The following LYRM4 variants were observed in gnomAD, a reference collection of about 807,000 sequenced individuals.
LYRM4 encodes the protein LYR motif containing 4.
In LYRM4, 9 loss-of-function variants were observed where a neutral mutation model predicts 11.7. The ratio of observed to expected loss-of-function variants is 0.77; its 90% confidence interval spans 0.46 to 1.34. The LOEUF (loss-of-function observed/expected upper bound fraction) is 1.34, where lower values mean the gene tolerates loss of function less well. Among genes scored for constraint, LYRM4 ranks in the 40% most tolerant of loss-of-function variants. The pLI is 0.00. For missense variants in LYRM4, 133 were observed against 112.5 expected, an observed-to-expected ratio of 1.18 and a Z score of -0.82; for synonymous variants, 42 against 40.4, an observed-to-expected ratio of 1.04 and a Z score of -0.15.
intron 2 of LYRM4, among the ~76,000 whole-genome samples, chr6:5,200,524 C>T (rs1057076745): frequency 2.6e-5 from 4 of 152,082 alleles, no homozygotes; most frequent in East Asian, 1.9e-4. Context: ...GTCTGAAAGT[C>T]GGTAAAAGTG....
At chr6:5,260,593 C>G (rs1393355450) in intron 1 of LYRM4, 55 bp downstream of exon 1, 1 of 1,199,134 alleles carries the variant, frequency 8.3e-7, no homozygotes, top group African/African-American at 1.6e-5. Context: ...AGCCCGCACC[C>G]CCGGTCCCCG....
At chr6:5,095,386 A>C in the LYRM4 span, among the ~76,000 whole-genome samples, 1 of 152,230 alleles carries the variant, frequency 6.6e-6, no homozygotes, top group Non-Finnish European at 1.5e-5. Flanking sequence ...CGGTGCAACC[A>C]AGTGGTAGAA....
chr6:5,179,638 C>T (rs546129308), intron 2 of LYRM4, among the ~76,000 whole-genome samples: 105 of 152,288 alleles, frequency 6.9e-4, no homozygotes, highest in African/African-American at 2.3e-3. Context: ...TTCTATTGTA[C>T]GTATAGACCA....
At chr6:5,222,002 T>C (rs900866462) in intron 1 of LYRM4, among the ~76,000 whole-genome samples, 2 of 152,174 alleles carry the variant, frequency 1.3e-5, no homozygotes, top group African/African-American at 2.4e-5. Context: ...TAGTGTATAA[T>C]CAAATGGATC....
chr6:5,191,208 G>A (rs1229859683), intron 2 of LYRM4, among the ~76,000 whole-genome samples: 1 of 152,154 alleles, frequency 6.6e-6, no homozygotes, highest in Non-Finnish European at 1.5e-5. Context: ...TGAGTCAAGA[G>A]AGAATGGGGT....
intron 1 of LYRM4, among the ~76,000 whole-genome samples, chr6:5,228,226 T>C (rs1581554138): frequency 6.6e-6 from 1 of 152,036 alleles, no homozygotes; most frequent in African/African-American, 2.4e-5. Flanking sequence ...TTCATGGAGG[T>C]AGTCATAAAT....
the LYRM4 span, among the ~76,000 whole-genome samples, chr6:5,081,650 T>C: frequency 6.6e-6 from 1 of 152,262 alleles, no homozygotes; most frequent in Non-Finnish European, 1.5e-5. Context: ...TCTTTGTCCT[T>C]GGTTCCTGAA....
intron 1 of LYRM4, among the ~76,000 whole-genome samples, chr6:5,246,276 GA>G (rs1259170717): frequency 6.6e-6 from 1 of 152,220 alleles, no homozygotes; most frequent in Non-Finnish European, 1.5e-5. Context: ...CGAGAGGCAA[GA>G]ACAAGAGTGC....
the LYRM4 span, among the ~76,000 whole-genome samples, chr6:5,045,695 T>G: frequency 6.6e-6 from 1 of 152,202 alleles, no homozygotes; most frequent in African/African-American, 2.4e-5. Flanking sequence ...CTTCTTTCAT[T>G]ATAAAATTCC....
chr6:5,149,246 C>T (rs900509812), intron 2 of LYRM4, among the ~76,000 whole-genome samples: 22 of 152,152 alleles, frequency 1.4e-4, no homozygotes, highest in Admixed American at 7.9e-4. Flanking sequence ...AAAGAAGCCC[C>T]GACACGTGGG....
In LYRM4 at chr6:5,159,240, C is replaced by T. The variant is rs1257467711; in HGVS notation, c.208-49749G>A. Among the ~76,000 whole-genome samples, 2 of 152,152 alleles carry T rather than the reference C, an allele frequency of 1.3e-5. 1 individual carries two copies. The highest frequency in any genetic ancestry group is 4.1e-4 in the South Asian group (2 of 4,836). Reference sequence around the variant, plus strand: ...CCCAGACACGTATGTGGGTGTCATCCCCACTCAGGAGAAGATGAAGATGAG... The same window carrying T: ...CCCAGACACGTATGTGGGTGTCATCTCCACTCAGGAGAAGATGAAGATGAG... On this transcript the variant is annotated intron_variant, in intron 2 of 2. Coordinates refer to ENST00000330636, the MANE Select transcript of LYRM4 (RefSeq NM_020408.6).
At chr6:5,101,667 G>C (rs1762501105), downstream of LYRM4, among the ~76,000 whole-genome samples, 1 of 152,132 alleles carries the variant, frequency 6.6e-6, no homozygotes, top group African/African-American at 2.4e-5. Context: ...CCAGGATTCA[G>C]GCAACATCAC....
chr6:5,134,228 G>C (rs113137588), intron 2 of LYRM4, among the ~76,000 whole-genome samples: 3,606 of 152,302 alleles, frequency 0.024, 50 homozygotes, highest in Middle Eastern at 0.078. Context: ...GTCTGGCCAA[G>C]GCTAAGAACC....
At chr6:5,150,770 T>C (rs1444547206) in intron 2 of LYRM4, among the ~76,000 whole-genome samples, 2 of 152,242 alleles carry the variant, frequency 1.3e-5, no homozygotes, top group Non-Finnish European at 2.9e-5. Flanking sequence ...GTTGTAGAAC[T>C]ACAGCTGAAC....
chr6:5,120,461 C>T (rs1763389171), intron 2 of LYRM4, among the ~76,000 whole-genome samples: 2 of 152,152 alleles, frequency 1.3e-5, no homozygotes, highest in Admixed American at 1.3e-4. Flanking sequence ...GTGAGTGTTA[C>T]AACTCTTAAA....
intron 1 of LYRM4, among the ~76,000 whole-genome samples, chr6:5,259,687 A>T (rs184806230): frequency 2.6e-4 from 39 of 152,290 alleles, no homozygotes; most frequent in Admixed American, 1.7e-3. Context: ...CATCCAATCC[A>T]CAGTCTGGCC....
At chr6:5,249,288 A>C (rs913404035) in intron 1 of LYRM4, among the ~76,000 whole-genome samples, 4 of 152,218 alleles carry the variant, frequency 2.6e-5, no homozygotes, top group Non-Finnish European at 5.9e-5. Context: ...ATTTGAGTCA[A>C]GGTTTCTTAA....
At chr6:5,163,337 C>T (rs1392273360) in intron 2 of LYRM4, among the ~76,000 whole-genome samples, 1 of 152,102 alleles carries the variant, frequency 6.6e-6, no homozygotes, top group South Asian at 2.1e-4. Context: ...CTGCACTGCA[C>T]GCCACCTTTG....
intron 1 of LYRM4, among the ~76,000 whole-genome samples, chr6:5,221,766 T>A (rs1762598356): frequency 6.6e-6 from 1 of 152,240 alleles, no homozygotes; most frequent in Admixed American, 6.5e-5. Flanking sequence ...GGTAGGAGAA[T>A]CTTCATGCAG....
Sources: allele counts gnomAD v4.1 joint callset (sites outside exome capture counted in the v4.1 genomes callset), GRCh38; gene constraint gnomAD v4.1.1; transcripts MANE v1.5; gene names NCBI Gene and HGNC (gene_info 2026-07-23, HGNC 2026-07-21).